The following GFPT1 variants were observed in gnomAD, a reference collection of about 807,000 sequenced individuals.
GFPT1 encodes the protein glutamine--fructose-6-phosphate transaminase 1.
In GFPT1, 40 loss-of-function variants were observed where a neutral mutation model predicts 92.0. That is an observed-to-expected ratio of 0.43 (90% CI 0.34 to 0.57). The LOEUF (loss-of-function observed/expected upper bound fraction) is 0.57. Ranked by LOEUF, GFPT1 falls within the 20% of genes least tolerant of loss-of-function variation. GFPT1 has a pLI of 0.02. For synonymous variants in GFPT1, 269 were observed against 280.6 expected (o/e 0.96, Z 0.41); for missense variants, 448 against 869.1 (o/e 0.52, Z 6.09).
chr2:69,349,539 G>A (rs1671158754), intron 10 of GFPT1, among the ~76,000 whole-genome samples: 1 of 152,116 alleles, frequency 6.6e-6, no homozygotes, highest in Non-Finnish European at 1.5e-5. Context: ...CAATTTCGGT[G>A]ATTTTATTTT....
intron 18 of GFPT1, among the ~76,000 whole-genome samples, chr2:69,327,397 T>C (rs1214737611): frequency 6.6e-6 from 1 of 152,224 alleles, no homozygotes; most frequent in Admixed American, 6.5e-5. Flanking sequence ...AATTTATATA[T>C]AAAGCCAACT....
intron 4 of GFPT1, among the ~76,000 whole-genome samples, chr2:69,362,354 T>C (rs781738363): frequency 1.3e-5 from 2 of 152,190 alleles, no homozygotes; most frequent in Non-Finnish European, 1.5e-5. Context: ...CTCAAACTCC[T>C]GGGCTCAGGC....
At chr2:69,381,185 G>A (rs933744213) in intron 1 of GFPT1, among the ~76,000 whole-genome samples, 13 of 152,170 alleles carry the variant, frequency 8.5e-5, no homozygotes, top group Non-Finnish European at 1.2e-4. Context: ...GTTTCACCAC[G>A]CTGGCCAGGC....
chr2:69,358,767 C>T (rs1035113570), intron 5 of GFPT1, among the ~76,000 whole-genome samples: 1 of 152,140 alleles, frequency 6.6e-6, no homozygotes, highest in Non-Finnish European at 1.5e-5. Flanking sequence ...AGCTCAACAA[C>T]CACATGTGGA....
At chr2:69,364,100 G>A (rs1671549129) in intron 3 of GFPT1, among the ~76,000 whole-genome samples, 1 of 145,432 alleles carries the variant, frequency 6.9e-6, no homozygotes, top group Non-Finnish European at 1.5e-5. Flanking sequence ...GGGCAACAGA[G>A]CGAGACTCCA....
chr2:69,346,040 CAAATA>C, intron 11 of GFPT1, 41 bp from the exon 12 acceptor site: 3 of 1,080,450 alleles, frequency 2.8e-6, no homozygotes, highest in Non-Finnish European at 4.3e-6. Context: ...AAAAACAAAT[CAAATA>C]AAAGAATTTG....
chr2:69,341,651 A>G (rs1370801805), intron 13 of GFPT1, among the ~76,000 whole-genome samples: 1 of 105,864 alleles, frequency 9.4e-6, no homozygotes, highest in Non-Finnish European at 2.1e-5. Flanking sequence ...CTGACAATAC[A>G]CATTTTTGAT....
chr2:69,337,764 T>TA, intron 15 of GFPT1, 134 bp downstream of exon 15: 1 of 783,784 alleles, frequency 1.3e-6, no homozygotes, highest in East Asian at 2.5e-5. Context: ...GTGAGTTCTA[T>TA]AACTGCTAAC....
At chr2:69,377,673 A>C (rs1222299194) in intron 1 of GFPT1, among the ~76,000 whole-genome samples, 1 of 152,086 alleles carries the variant, frequency 6.6e-6, no homozygotes, top group Non-Finnish European at 1.5e-5. Flanking sequence ...AAAACAAACA[A>C]AGAAACAAAC....
At position 69,338,527 on chromosome 2, in the gene GFPT1, C is replaced by T; in HGVS notation, c.1242G>A (p.Val414=). The T allele has an allele frequency of 6.2e-7, 1 of 1,613,492 alleles. No individual in the cohort carries two copies. The highest frequency in any genetic ancestry group is 8.5e-7 in the Non-Finnish European group (1 of 1,179,414). ...QVLEELTELP[V]MVELASDFLD... is the part of the protein sequence containing the mutation. ...GGAAGTCACTTGCTAGTTCCACCAT[C>T]ACAGGCAACTCAGTCAGCTCCTCAA... Residue 414 remains valine (V), a synonymous_variant, in exon 14 of 20, where the codon GTG becomes GTA. Coordinates refer to ENST00000357308, the MANE Select transcript of GFPT1 (RefSeq NM_001244710.2).
chr2:69,383,130 T>A (rs992829752), intron 1 of GFPT1, among the ~76,000 whole-genome samples: 1 of 152,174 alleles, frequency 6.6e-6, no homozygotes, highest in African/African-American at 2.4e-5. Context: ...AACAGAACAC[T>A]ATTTCACCGG....
At chr2:69,336,414 ATTCTC>A (rs1419142410) in intron 15 of GFPT1, among the ~76,000 whole-genome samples, 2 of 151,966 alleles carry the variant, frequency 1.3e-5, no homozygotes, top group Non-Finnish European at 2.9e-5. Flanking sequence ...TCTACAAAAA[ATTCTC>A]TATGAGAATC....
chr2:69,373,180 A>C (rs546290708), intron 2 of GFPT1, among the ~76,000 whole-genome samples: 1 of 152,348 alleles, frequency 6.6e-6, no homozygotes, highest in Admixed American at 6.5e-5. Flanking sequence ...CATAGCCATG[A>C]GTACAACCAA....
At chr2:69,364,298 A>T (rs1405518331) in intron 3 of GFPT1, among the ~76,000 whole-genome samples, 1 of 152,210 alleles carries the variant, frequency 6.6e-6, no homozygotes, top group Non-Finnish European at 1.5e-5. Flanking sequence ...CAAAAAACTA[A>T]TACAGAGTTA....
At chr2:69,334,995 T>C (rs7607351) in intron 15 of GFPT1, among the ~76,000 whole-genome samples, 55,924 of 151,896 alleles carry the variant, frequency 0.37, 10,707 homozygotes, top group Middle Eastern at 0.44. Context: ...GGTATACCAA[T>C]GCTAATGTAA....
intron 3 of GFPT1, among the ~76,000 whole-genome samples, chr2:69,365,959 C>G (rs148479206): frequency 6.6e-6 from 1 of 151,962 alleles, no homozygotes; most frequent in Non-Finnish European, 1.5e-5. Context: ...ATTACAGGCA[C>G]GCACCACCAC....
chr2:69,351,588 C>T (rs754936564), intron 9 of GFPT1, among the ~76,000 whole-genome samples: 5 of 152,128 alleles, frequency 3.3e-5, no homozygotes, highest in African/African-American at 9.7e-5. Context: ...TTGAAATATA[C>T]ACCACATAAA....
At chr2:69,352,758 A>G (rs187575580) in intron 9 of GFPT1, among the ~76,000 whole-genome samples, 48 of 152,068 alleles carry the variant, frequency 3.2e-4, no homozygotes, top group African/African-American at 1.1e-3. Flanking sequence ...TGTAAAAAAA[A>G]TTTGAGGCTG....
intron 1 of GFPT1, among the ~76,000 whole-genome samples, chr2:69,377,116 G>A: frequency 6.8e-6 from 1 of 147,060 alleles, no homozygotes; most frequent in South Asian, 2.1e-4. Context: ...GCTGAAGCAG[G>A]AGAATTGCTT....
Sources: allele counts gnomAD v4.1 joint callset (sites outside exome capture counted in the v4.1 genomes callset), GRCh38; gene constraint gnomAD v4.1.1; transcripts MANE v1.5; gene names NCBI Gene and HGNC (gene_info 2026-07-23, HGNC 2026-07-21).